Variants in ZCCHC24 observed in about 807,000 individuals in gnomAD.
ZCCHC24 encodes zinc finger CCHC-type containing 24, also known as zinc finger CCHC domain-containing protein 24.
ZCCHC24 carries 10 observed loss-of-function variants against 26.2 expected under a neutral mutation model. That is an observed-to-expected ratio of 0.38 (90% confidence interval 0.24 to 0.65). ZCCHC24 has a LOEUF of 0.65. ZCCHC24 is among the 30% of genes least tolerant of loss of function. ZCCHC24 has a pLI of 0.54. For synonymous variants in ZCCHC24, 144 were observed against 147.1 expected (o/e 0.98, Z 0.15); for missense variants, 243 against 329.1 (o/e 0.74, Z 2.03).
chr10:79,431,729 G>A (rs962628301), intron 2 of ZCCHC24, among the ~76,000 whole-genome samples: 1 of 152,076 alleles, frequency 6.6e-6, no homozygotes, highest in African/African-American at 2.4e-5. Context: ...AGAGTTTCCA[G>A]GATTCCATTT....
chr10:79,440,016 G>A (rs1046580730), intron 1 of ZCCHC24, among the ~76,000 whole-genome samples: 5 of 152,148 alleles, frequency 3.3e-5, no homozygotes, highest in African/African-American at 1.2e-4. Context: ...GGGCTTAGAG[G>A]AGGGGGAGTG....
chr10:79,432,434 C>T (rs7073205), intron 2 of ZCCHC24, 124 bp downstream of exon 2: 252,536 of 1,009,548 alleles, frequency 0.25, 33,066 homozygotes, highest in East Asian at 0.34. Context: ...GGCCAGAGGA[C>T]CACGGGGCCA....
At chr10:79,408,543 G>T (rs77902475) in intron 2 of ZCCHC24, among the ~76,000 whole-genome samples, 1 of 152,166 alleles carries the variant, frequency 6.6e-6, no homozygotes, top group East Asian at 1.9e-4. Context: ...CACTGGAGGA[G>T]GGTGGTTAAC....
At chr10:79,396,110 T>C (rs1350913343) in intron 2 of ZCCHC24, among the ~76,000 whole-genome samples, 2 of 152,220 alleles carry the variant, frequency 1.3e-5, no homozygotes, top group East Asian at 1.9e-4. Context: ...CATACAACAT[T>C]TGTCCTTTTG....
rs11002951 is a variant in ZCCHC24, at chr10:79,382,489, C to T, written c.*3856G>A. 0.045 allele frequency: 6,837 copies of T among 152,952 alleles called. 236 individuals carry two copies. Among genetic ancestry groups the T allele is most frequent in the African/African-American group, 0.088 (3,659 of 41,546 alleles). The allele number at this position is 152,952 out of a possible 1,614,324, so 9.5% of individuals were successfully genotyped here. On this transcript the variant is annotated 3_prime_UTR_variant, in exon 4 of 4. Coordinates refer to ENST00000372336, the MANE Select transcript of ZCCHC24 (RefSeq NM_153367.4). ...CCACGCACCTTCCGAGCTGGGCCCA[C>T]GGGTTCTGTTTTGTCTTTTTAGCTG...
intron 2 of ZCCHC24, among the ~76,000 whole-genome samples, chr10:79,396,197 T>C (rs1486745276): frequency 6.6e-6 from 1 of 152,278 alleles, no homozygotes; most frequent in African/African-American, 2.4e-5. Flanking sequence ...ATCCTTTCTG[T>C]TGCCAAATAA....
intron 2 of ZCCHC24, among the ~76,000 whole-genome samples, chr10:79,430,614 A>G (rs928912377): frequency 6.6e-6 from 1 of 151,920 alleles, no homozygotes. Flanking sequence ...CTGCCCCAGC[A>G]TTTAGAAGAG....
intron 2 of ZCCHC24, among the ~76,000 whole-genome samples, chr10:79,430,296 G>A (rs1043132735): frequency 2.0e-5 from 3 of 152,084 alleles, no homozygotes; most frequent in Admixed American, 6.6e-5. Context: ...GGGCCTTCAC[G>A]AGTCCAGGAC....
chr10:79,389,668 T>C (rs1246731377), intron 3 of ZCCHC24, among the ~76,000 whole-genome samples: 1 of 152,052 alleles, frequency 6.6e-6, no homozygotes, highest in East Asian at 1.9e-4. Flanking sequence ...TAGGCTGGAG[T>C]GCAGTGATGC....
At chr10:79,437,791 G>A (rs997183486) in intron 1 of ZCCHC24, among the ~76,000 whole-genome samples, 1 of 152,222 alleles carries the variant, frequency 6.6e-6, no homozygotes, top group Admixed American at 6.5e-5. Context: ...GCTGACTCCA[G>A]TTCTCCCCGG....
Position 79,386,209 on chromosome 10 carries a change from G to A in ZCCHC24, c.*136C>T, listed in dbSNP as rs1419107928. The A allele has an allele frequency of 1.4e-6, 1 of 720,568 alleles. No homozygotes were observed. The highest frequency in any genetic ancestry group is 1.8e-5 in the African/African-American group (1 of 56,738). The allele number at this position is 720,568 out of a possible 1,614,324, so 44.6% of individuals were successfully genotyped here. A position where few individuals can be genotyped will look rare whatever the true frequency, so the allele number is the denominator to read the frequency against. On this transcript the variant is annotated 3_prime_UTR_variant, in exon 4 of 4. Coordinates refer to ENST00000372336, the MANE Select transcript of ZCCHC24 (RefSeq NM_153367.4). Reference sequence around the variant, plus strand: ...AACACACACAAGACAAGGACGCTAAGAGCCCCCGGCCCAGCCCCGCAGGCC... The same window carrying A: ...AACACACACAAGACAAGGACGCTAAAAGCCCCCGGCCCAGCCCCGCAGGCC...
At chr10:79,408,528 C>CA (rs1856748724) in intron 2 of ZCCHC24, among the ~76,000 whole-genome samples, 1 of 152,186 alleles carries the variant, frequency 6.6e-6, no homozygotes, top group African/African-American at 2.4e-5. Flanking sequence ...TAGGCACCCA[C>CA]AAGGCACTGG....
intron 1 of ZCCHC24, among the ~76,000 whole-genome samples, chr10:79,434,327 C>T (rs916236889): frequency 6.6e-6 from 1 of 152,194 alleles, no homozygotes; most frequent in South Asian, 2.1e-4. Flanking sequence ...CATTGACCTG[C>T]GTTCAGCCTG....
At chr10:79,394,725 A>AAAT in intron 2 of ZCCHC24, 1 of 833,314 alleles carries the variant, frequency 1.2e-6, no homozygotes, top group Non-Finnish European at 1.4e-6. Context: ...TGGTGGCTGG[A>AAAT]AATTACTTCC....
In ZCCHC24 at chr10:79,386,246, C is replaced by G; in HGVS notation, c.*99G>C. The G allele has an allele frequency of 8.6e-7, 1 of 1,165,780 alleles. No individual in the cohort carries two copies. The highest frequency in any genetic ancestry group is 1.3e-6 in the Non-Finnish European group (1 of 796,654). 72.2% of individuals were successfully genotyped at this position (1,165,780 alleles called of 1,614,324 possible). On this transcript the variant is annotated 3_prime_UTR_variant, in exon 4 of 4. Coordinates refer to ENST00000372336, the MANE Select transcript of ZCCHC24 (RefSeq NM_153367.4). ...CAGCCCCGCAGGCCTGCGAGGGCAC[C>G]CCATGCACAGGGCGACACGCAGCCC... is the stretch of plus-strand genomic sequence containing the variant.
chr10:79,423,581 C>CTATATATATATTTTTATATA, intron 2 of ZCCHC24, among the ~76,000 whole-genome samples: 1 of 53,746 alleles, frequency 1.9e-5, no homozygotes. Flanking sequence ...AATATATATA[C>CTATATATATATTTTTATATA]TATATATATA....
intron 3 of ZCCHC24, among the ~76,000 whole-genome samples, chr10:79,391,253 G>T (rs945955451): frequency 2.0e-4 from 31 of 152,158 alleles, no homozygotes; most frequent in Admixed American, 1.3e-4. Flanking sequence ...CCTGAATGTG[G>T]AGATGGGGGA....
At chr10:79,400,347 G>A (rs1285164254) in intron 2 of ZCCHC24, among the ~76,000 whole-genome samples, 3 of 152,210 alleles carry the variant, frequency 2.0e-5, no homozygotes, top group African/African-American at 7.2e-5. Flanking sequence ...CAATGCCCGG[G>A]TTCCCTAAAT....
chr10:79,434,463 T>C (rs4980079), intron 1 of ZCCHC24, among the ~76,000 whole-genome samples: 100,000 of 152,072 alleles, frequency 0.66, 33,564 homozygotes, highest in African/African-American at 0.8. Flanking sequence ...GGGAGAGTTC[T>C]GATAAAAACC....
Sources: gnomAD v4.1 joint callset for allele counts (sites outside exome capture counted in the v4.1 genomes callset) on GRCh38, gnomAD v4.1.1 for gene constraint, MANE v1.5 for transcripts, NCBI Gene and HGNC (gene_info 2026-07-23, HGNC 2026-07-21) for gene names.